Variants in EML6 observed in about 807,000 individuals in gnomAD.
The protein encoded by EML6 is EMAP like 6, also known as echinoderm microtubule-associated protein-like 6.
In EML6, 154 loss-of-function variants were observed where a neutral mutation model predicts 240.1. That is an observed-to-expected ratio of 0.64 (90% CI 0.56 to 0.73). The LOEUF is 0.73. Ranked by LOEUF, EML6 falls within the 30% of genes least tolerant of loss-of-function variation. EML6 has a pLI of 0.00. For missense variants in EML6, 2,964 were observed against 2,474.6 expected (o/e 1.20, Z -4.20); for synonymous variants, 1,148 against 899.0 (o/e 1.28, Z -4.95).
chr2:54,803,091 G>C (rs1238668549), intron 2 of EML6, among the ~76,000 whole-genome samples: 1 of 152,080 alleles, frequency 6.6e-6, no homozygotes, highest in East Asian at 1.9e-4. Flanking sequence ...CATTGAAAGA[G>C]AAAAAACTTG....
intron 2 of EML6, among the ~76,000 whole-genome samples, chr2:54,792,547 C>G (rs533970173): frequency 6.6e-6 from 1 of 152,164 alleles, no homozygotes; most frequent in Non-Finnish European, 1.5e-5. Context: ...ACAAGGGGCA[C>G]AGGGGAAATT....
At chr2:54,728,223 A>C (rs1255478195) in intron 2 of EML6, among the ~76,000 whole-genome samples, 1 of 152,250 alleles carries the variant, frequency 6.6e-6, no homozygotes, top group African/African-American at 2.4e-5. Context: ...ACAGTAATAG[A>C]GACTGGGATA....
rs1219491883 is a variant in EML6, at chr2:54,952,786, ATC to A, written c.4312+95_4312+96del. The A allele has an allele frequency of 3.8e-6, 3 of 783,754 alleles. No homozygotes were observed. In the Admixed American group the frequency reaches 6.6e-5, roughly 17 times the overall value. The allele number at this position is 783,754 out of a possible 1,614,324, so 48.5% of individuals were successfully genotyped here. ...GAGAGGGAGTGGGTGGGTTGCTTAC[ATC>A]CATCCCTTCTTGTTGATGTTGCTGT... On this transcript the variant is annotated intron_variant, in intron 31 of 41. Coordinates refer to ENST00000356458, the MANE Select transcript of EML6 (RefSeq NM_001039753.4).
At chr2:54,960,929 T>C (rs1027515407) in intron 35 of EML6, among the ~76,000 whole-genome samples, 5 of 152,004 alleles carry the variant, frequency 3.3e-5, no homozygotes, top group Admixed American at 3.3e-4. Context: ...CTATTTAAAT[T>C]CCCCCAGGAG....
rs1001540696 is a variant in EML6, at chr2:54,879,824, T to C, written c.2438+184T>C. The C allele has an allele frequency of 4.6e-5, 27 of 581,090 alleles. No homozygotes were observed. In the Admixed American group the frequency reaches 7.2e-4, roughly 16 times the overall value. 36.0% of individuals were successfully genotyped at this position (581,090 alleles called of 1,614,324 possible). ...GCCAAACCTGACTTAGAGCAGGTCA[T>C]GTTTGTTGCGGTGAATCAGAAAATT... On this transcript the variant is annotated intron_variant, in intron 17 of 41. Transcript: ENST00000356458.
chr2:54,954,112 G>C lies in EML6; in HGVS notation c.4442G>C (p.Gly1481Ala). Residue 1481 changes from glycine (G) to alanine (A), a missense_variant, in exon 32 of 42, where the codon GGA becomes GCA. Gly to Ala is a moderately conservative substitution (Grantham distance 60). Coordinates refer to ENST00000356458, the MANE Select transcript of EML6 (RefSeq NM_001039753.4). ...SATGKLLVSV[G>A]VDPEHTITVW... ...ACTGGAAAGCTCCTGGTGTCGGTGG[G>C]AGTGGACCCTGAGCACACCATCACT... 3.9e-6 allele frequency: 6 copies of C among 1,551,570 alleles called. No homozygotes were observed. Among genetic ancestry groups the C allele is most frequent in the Non-Finnish European group, 5.2e-6 (6 of 1,146,956 alleles).
At chr2:54,904,641 G>C (rs1673223323) in intron 24 of EML6, among the ~76,000 whole-genome samples, 1 of 152,212 alleles carries the variant, frequency 6.6e-6, no homozygotes, top group Non-Finnish European at 1.5e-5. Context: ...CAGTGGCTGA[G>C]GGTGTGAAGG....
intron 8 of EML6, among the ~76,000 whole-genome samples, chr2:54,844,626 C>T (rs191949794): frequency 2.8e-4 from 43 of 152,308 alleles, no homozygotes; most frequent in African/African-American, 9.9e-4. Flanking sequence ...AAGGCTCTCT[C>T]ATTCATCATC....
chr2:54,845,208 A>T (rs1429364376), intron 8 of EML6, among the ~76,000 whole-genome samples: 1 of 152,252 alleles, frequency 6.6e-6, no homozygotes, highest in Non-Finnish European at 1.5e-5. Context: ...TTGATCTAAA[A>T]ATCAGTGAGA....
rs188246618 is a variant in EML6 at position 54,849,208 on chromosome 2, G to T, written c.1188-754G>T. ...GTAATTGAATACATTCATATAATTCGTGAAGATCAAATCAGTGTAATTGGG... is the reference window on the plus strand; with the variant it reads ...GTAATTGAATACATTCATATAATTCTTGAAGATCAAATCAGTGTAATTGGG... On this transcript the variant is annotated intron_variant, in intron 9 of 41. Coordinates refer to ENST00000356458, the MANE Select transcript of EML6 (RefSeq NM_001039753.4). 6.6e-5 allele frequency among the ~76,000 whole-genome samples: 10 copies of T among 152,176 alleles called. No individual in the cohort carries two copies. The East Asian group carries it at 1.5e-3, about 23-fold the overall frequency.
intron 17 of EML6, chr2:54,880,944 G>C (rs952144488): frequency 3.3e-5 from 5 of 151,958 alleles, no homozygotes; most frequent in African/African-American, 1.2e-4. Context: ...TAATAGAAAT[G>C]GAAGAAAGAA....
chr2:54,879,463 C>A, intron 16 of EML6, 84 bp from the exon 17 acceptor site: 1 of 843,606 alleles, frequency 1.2e-6, no homozygotes, highest in Non-Finnish European at 1.9e-6. Context: ...TTCTTAAGAT[C>A]AGTTACTTAT....
chr2:54,802,622 T>TACC (rs1558561922), intron 2 of EML6, among the ~76,000 whole-genome samples: 1 of 83,230 alleles, frequency 1.2e-5, no homozygotes, highest in Non-Finnish European at 2.6e-5. Context: ...TGTCTCATAC[T>TACC]ACTACTACTA....
At chr2:54,789,266 C>A in intron 2 of EML6, among the ~76,000 whole-genome samples, 1 of 151,904 alleles carries the variant, frequency 6.6e-6, no homozygotes. Context: ...GTAATCCCAG[C>A]ACTTTGGGAG....
At chr2:54,757,667 A>G (rs1435308451) in intron 2 of EML6, among the ~76,000 whole-genome samples, 1 of 152,064 alleles carries the variant, frequency 6.6e-6, no homozygotes, top group Non-Finnish European at 1.5e-5. Flanking sequence ...TGTTCTTTAC[A>G]CAAGCTCTCA....
At chr2:54,839,855 GTT>G (rs3038248) in intron 7 of EML6, among the ~76,000 whole-genome samples, 117,270 of 151,986 alleles carry the variant, frequency 0.77, 46,134 homozygotes, top group East Asian at 0.99. Context: ...GAGTTGGAAG[GTT>G]TTGGTCTTTG....
Position 54,823,850 on chromosome 2 carries a change from T to TTC in EML6, c.525+3414_525+3415dup, listed in dbSNP as rs147852134. Among the ~76,000 whole-genome samples, 324 of 72,268 alleles carry TTC rather than the reference T, an allele frequency of 4.5e-3. 7 individuals carry two copies. Among genetic ancestry groups the TTC allele is most frequent in the Non-Finnish European group, 6.9e-3 (243 of 35,010 alleles). The allele number at this position is 72,268 out of a possible 152,430, so 47.4% of individuals were successfully genotyped here. On this transcript the variant is annotated intron_variant, in intron 5 of 41. Transcript: ENST00000356458. ...GGCTGAATTAATATTCATTCATTCA[T>TTC]TCTCTCTCTCTCTCTCTCTCTCTCT...
At chr2:54,811,105 C>T (rs903550198) in intron 2 of EML6, among the ~76,000 whole-genome samples, 4 of 152,094 alleles carry the variant, frequency 2.6e-5, no homozygotes, top group Admixed American at 2.6e-4. Flanking sequence ...ATCCCCTCTA[C>T]CCATGTCTTC....
rs1009049461 is a variant in EML6 at position 54,919,266 on chromosome 2, A to G, written c.3675+2331A>G. Among the ~76,000 whole-genome samples, 7 of 138,798 alleles carry G rather than the reference A, an allele frequency of 5.0e-5. No homozygotes were observed. The East Asian group carries it at 7.0e-4, about 14-fold the overall frequency. 91.1% of individuals were successfully genotyped at this position (138,798 alleles called of 152,430 possible). On this transcript the variant is annotated intron_variant, in intron 26 of 41. Transcript: ENST00000356458. The stretch of plus-strand genomic sequence containing the variant: ...TTCCCCCCCCCCCCAATCCTTTTCA[A>G]AAGTCTTATTTTTTGTCTTTAGCAT...
Sources: allele counts gnomAD v4.1 joint callset (sites outside exome capture counted in the v4.1 genomes callset), GRCh38; gene constraint gnomAD v4.1.1; transcripts MANE v1.5; gene names NCBI Gene and HGNC (gene_info 2026-07-23, HGNC 2026-07-21).